The following SORBS2 variants were observed in gnomAD, a reference collection of about 807,000 sequenced individuals.
The protein encoded by SORBS2 is sorbin and SH3 domain containing 2.
SORBS2 carries 46 observed loss-of-function variants against 97.7 expected under a neutral mutation model. The ratio of observed to expected loss-of-function variants is 0.47; its 90% CI spans 0.37 to 0.60. The LOEUF (loss-of-function observed/expected upper bound fraction) is 0.60, where lower values mean the gene tolerates loss of function less well. Ranked by LOEUF, SORBS2 falls within the 20% of genes least tolerant of loss-of-function variation. SORBS2 has a pLI of 0.00. For synonymous variants in SORBS2, 476 were observed against 473.4 expected, an observed-to-expected ratio of 1.01 and a Z score of -0.07; for missense variants, 1,316 against 1,282.3, an observed-to-expected ratio of 1.03 and a Z score of -0.40.
chr4:185,923,352 G>A lies in SORBS2; in HGVS notation c.-338+32844C>T, dbSNP rs193066366. Among the ~76,000 whole-genome samples, 987 of 152,220 alleles carry A rather than the reference G, an allele frequency of 6.5e-3. 2 individuals are homozygous for A. The highest frequency in any genetic ancestry group is 0.011 in the Non-Finnish European group (755 of 68,012). On this transcript the variant is annotated intron_variant, in intron 1 of 20. Transcript: ENST00000284776. ...GGGTCTTGCTTTGTCACCCAGGCTG[G>A]AGTGCAGTGGTGCCATCATTACTCA... is the stretch of plus-strand genomic sequence containing the variant.
chr4:185,592,201 A>C (rs1013959738), intron 13 of SORBS2: 4 of 152,574 alleles, frequency 2.6e-5, no homozygotes, highest in Non-Finnish European at 5.9e-5. Context: ...TTTCACTAAA[A>C]CTCTGAATTG....
At chr4:185,854,713 G>A (rs1458524068) in intron 1 of SORBS2, among the ~76,000 whole-genome samples, 1 of 152,042 alleles carries the variant, frequency 6.6e-6, no homozygotes, top group Non-Finnish European at 1.5e-5. Context: ...TGCCCAACTA[G>A]CAATTCTTGT....
intron 4 of SORBS2, chr4:185,665,938 C>G: frequency 8.1e-7 from 1 of 1,227,368 alleles, no homozygotes; most frequent in East Asian, 5.8e-5. Flanking sequence ...TGTGTCGTGG[C>G]TGTGGATGAG....
intron 1 of SORBS2, among the ~76,000 whole-genome samples, chr4:185,934,558 C>T (rs1347936719): frequency 1.3e-5 from 2 of 151,898 alleles, no homozygotes; most frequent in Non-Finnish European, 2.9e-5. Flanking sequence ...GTCAGGAGTT[C>T]GACACCAGCC....
chr4:185,824,310 C>T (rs901560836), intron 1 of SORBS2, among the ~76,000 whole-genome samples: 4 of 152,170 alleles, frequency 2.6e-5, no homozygotes, highest in Non-Finnish European at 4.4e-5. Context: ...TCTGCACACA[C>T]ATCTTCCCTG....
At chr4:185,705,135 G>A (rs113414027) in intron 2 of SORBS2, among the ~76,000 whole-genome samples, 4 of 152,370 alleles carry the variant, frequency 2.6e-5, no homozygotes, top group Admixed American at 2.0e-4. Flanking sequence ...CAAAGGCCAC[G>A]AGTTTGTGGA....
chr4:185,689,092 G>A (rs2098039019), intron 2 of SORBS2, among the ~76,000 whole-genome samples: 1 of 152,170 alleles, frequency 6.6e-6, no homozygotes, highest in Non-Finnish European at 1.5e-5. Context: ...ATGAGGGATT[G>A]AATTATATGA....
chr4:185,767,802 C>T (rs866340474), intron 2 of SORBS2, among the ~76,000 whole-genome samples: 65 of 152,284 alleles, frequency 4.3e-4, no homozygotes, highest in Middle Eastern at 6.8e-3. Flanking sequence ...TTTCTCTAAT[C>T]ACCTTGAACA....
At chr4:185,831,829 G>T (rs1198585467) in intron 1 of SORBS2, among the ~76,000 whole-genome samples, 4 of 152,080 alleles carry the variant, frequency 2.6e-5, no homozygotes, top group African/African-American at 7.2e-5. Context: ...TTCCAAATAG[G>T]ACTGAACTGA....
At position 185,888,316 on chromosome 4, in the gene SORBS2, C is replaced by T. The variant is rs961874863; in HGVS notation, c.-338+67880G>A. Among the ~76,000 whole-genome samples the T allele has an allele frequency of 1.2e-4, 18 of 151,932 alleles. No individual in the cohort carries two copies. In the East Asian group the frequency reaches 1.6e-3, roughly 13 times the overall value. On this transcript the variant is annotated intron_variant, in intron 1 of 20. Coordinates refer to the SORBS2 transcript ENST00000284776. Reference sequence around the variant, plus strand: ...ATGCAATCACATGTGTCCCTAGAAACGAGGGGTGGTGGGGGGTTGGAGAGA... The same window carrying T: ...ATGCAATCACATGTGTCCCTAGAAATGAGGGGTGGTGGGGGGTTGGAGAGA...
At chr4:185,610,658 A>G (rs2153401171) in intron 12 of SORBS2, among the ~76,000 whole-genome samples, 1 of 152,240 alleles carries the variant, frequency 6.6e-6, no homozygotes, top group East Asian at 1.9e-4. Flanking sequence ...TTCAAGAAGT[A>G]GTTTAGGTCA....
At chr4:185,650,580 A>G (rs2097296695) in intron 2 of SORBS2, among the ~76,000 whole-genome samples, 2 of 152,230 alleles carry the variant, frequency 1.3e-5, no homozygotes, top group Admixed American at 1.3e-4. Flanking sequence ...ATATTAAAAC[A>G]GTTATAAAAA....
At chr4:185,945,273 C>T (rs2099274001) in intron 1 of SORBS2, among the ~76,000 whole-genome samples, 1 of 152,156 alleles carries the variant, frequency 6.6e-6, no homozygotes, top group Non-Finnish European at 1.5e-5. Context: ...TTTATGAACC[C>T]CATCAGCTCT....
chr4:185,826,511 G>A (rs2099199903), intron 1 of SORBS2, among the ~76,000 whole-genome samples: 1 of 152,212 alleles, frequency 6.6e-6, no homozygotes, highest in African/African-American at 2.4e-5. Flanking sequence ...AACAGAACAA[G>A]TTGGTCCTGT....
chr4:185,827,030 TCAC>T (rs1339664217), intron 1 of SORBS2, among the ~76,000 whole-genome samples: 1 of 148,556 alleles, frequency 6.7e-6, no homozygotes, highest in Non-Finnish European at 1.5e-5. Flanking sequence ...ATCATCACCA[TCAC>T]CACCATCATC....
At chr4:185,605,092 C>G (rs1017949052) in intron 12 of SORBS2, among the ~76,000 whole-genome samples, 2 of 152,156 alleles carry the variant, frequency 1.3e-5, no homozygotes, top group African/African-American at 4.8e-5. Flanking sequence ...AATTATCTAT[C>G]TGTTATTAAA....
At chr4:185,669,649 G>A (rs2097678360) in intron 4 of SORBS2, among the ~76,000 whole-genome samples, 1 of 152,124 alleles carries the variant, frequency 6.6e-6, no homozygotes, top group Non-Finnish European at 1.5e-5. Context: ...CTGTTTCAAT[G>A]CAATCTTTGA....
Position 185,635,587 on chromosome 4 carries a change from G to C in SORBS2, c.397-4989C>G, listed in dbSNP as rs76208430. On this transcript the variant is annotated intron_variant, in intron 4 of 14. Transcript: ENST00000418609. ...GCAAAATGGGGGCAGCTGGGAGGAA[G>C]TGTGCAACGTCTGCAAATATTCTCA... 2.2e-3 allele frequency among the ~76,000 whole-genome samples: 332 copies of C among 152,316 alleles called. 2 individuals are homozygous for C. Among genetic ancestry groups the C allele is most frequent in the African/African-American group, 7.6e-3 (317 of 41,566 alleles).
chr4:185,662,407 T>C (rs568230137), intron 4 of SORBS2, among the ~76,000 whole-genome samples, 165 bp from the exon 8 acceptor site: 24 of 152,334 alleles, frequency 1.6e-4, no homozygotes, highest in African/African-American at 5.5e-4. Context: ...ATTCTTTGCC[T>C]TCTCTCTATT....
Sources: allele counts gnomAD v4.1 joint callset (sites outside exome capture counted in the v4.1 genomes callset), GRCh38; gene constraint gnomAD v4.1.1; transcripts MANE v1.5; gene names NCBI Gene and HGNC (gene_info 2026-07-23, HGNC 2026-07-21).